Variants in BABAM2 observed in about 807,000 individuals in gnomAD.
BABAM2 encodes the protein BRISC and BRCA1 A complex member 2.
A neutral mutation model predicts 54.7 loss-of-function variants in BABAM2; 31 were observed. That is an observed-to-expected ratio of 0.57 (90% confidence interval 0.43 to 0.77). The LOEUF (loss-of-function observed/expected upper bound fraction) is 0.77. Among genes scored for constraint, BABAM2 ranks in the 30% least tolerant of loss-of-function variants. The pLI, the probability that BABAM2 is intolerant of heterozygous loss-of-function variation, is 0.00. For missense variants in BABAM2, 364 were observed against 455.8 expected (o/e 0.80, Z 1.83); for synonymous variants, 167 against 162.9 (o/e 1.03, Z -0.19).
At chr2:27,891,809 A>C (rs1558564909) in intron 1 of BABAM2, among the ~76,000 whole-genome samples, 2 of 151,430 alleles carry the variant, frequency 1.3e-5, no homozygotes, top group Non-Finnish European at 2.9e-5. Context: ...CCCTGGAAAT[A>C]GAATTCATTC....
At chr2:28,242,117 A>G (rs916856333) in intron 9 of BABAM2, among the ~76,000 whole-genome samples, 1 of 152,096 alleles carries the variant, frequency 6.6e-6, no homozygotes, top group Non-Finnish European at 1.5e-5. Context: ...CAGTAACCCA[A>G]TGGAAGTCGC....
At chr2:28,296,573 G>A (rs947387018) in intron 10 of BABAM2, among the ~76,000 whole-genome samples, 27 of 152,066 alleles carry the variant, frequency 1.8e-4, no homozygotes, top group African/African-American at 5.1e-4. Context: ...AGTCTGCTGC[G>A]GACCTAAGTT....
At chr2:27,976,050 T>C (rs970981899) in intron 3 of BABAM2, among the ~76,000 whole-genome samples, 25 of 152,112 alleles carry the variant, frequency 1.6e-4, no homozygotes, top group Non-Finnish European at 3.4e-4. Flanking sequence ...AATAACAAAA[T>C]TGACCATATT....
rs1553349503 is a variant in BABAM2 at position 28,248,207 on chromosome 2, C to CTTTTTCTTTTTTTTTTT, written c.934+3350_934+3351insCTTTTTTTTTTTTTTTT. Among the ~76,000 whole-genome samples the CTTTTTCTTTTTTTTTTT allele has an allele frequency of 6.2e-3, 335 of 54,278 alleles. 15 individuals are homozygous for CTTTTTCTTTTTTTTTTT. The highest frequency in any genetic ancestry group is 0.012 in the East Asian group (34 of 2,908). The allele number at this position is 54,278 out of a possible 152,430, so 35.6% of individuals were successfully genotyped here. Reference sequence around the variant, plus strand: ...AGTAGCTTTTGTTTATTTTCTTTTTCTTTTTTTTTTTTTTTTTTTGAGACG... The same window carrying CTTTTTCTTTTTTTTTTT: ...AGTAGCTTTTGTTTATTTTCTTTTTCTTTTTCTTTTTTTTTTTTTTTTTTTTTTTTTTTTTTGAGACG... On this transcript the variant is annotated intron_variant, in intron 10 of 11. Transcript: ENST00000379624.
chr2:28,025,418 TG>T lies in BABAM2; in HGVS notation c.495+1del. The T allele has an allele frequency of 6.4e-7, 1 of 1,564,696 alleles. No homozygotes were observed. Among genetic ancestry groups the T allele is most frequent in the Non-Finnish European group, 8.6e-7 (1 of 1,163,436 alleles). ...MEIYAGKKNNWTGEFSARFLL... is the reference protein window; with the variant it reads ...MEIYAGKKNNXTGEFSARFLL... Reference sequence around the variant, plus strand: ...AATTTATGCTGGGAAAAAAAACAACTGGGTAAGGATTTTTGAGAATGGAAAA... The same window carrying T: ...AATTTATGCTGGGAAAAAAAACAACTGGTAAGGATTTTTGAGAATGGAAAA... On this transcript the variant is annotated frameshift_variant and splice_region_variant, in exon 5 of 12. Transcript: ENST00000379624. LOFTEE classifies it high-confidence loss of function.
intron 7 of BABAM2, among the ~76,000 whole-genome samples, chr2:28,230,777 A>G (rs1681314862): frequency 6.6e-6 from 1 of 151,798 alleles, no homozygotes; most frequent in African/African-American, 2.4e-5. Context: ...CCTTAATTTA[A>G]TATTTATGTT....
intron 5 of BABAM2, among the ~76,000 whole-genome samples, chr2:28,040,625 C>T (rs72812590): frequency 0.069 from 10,428 of 152,084 alleles, 543 homozygotes; most frequent in African/African-American, 0.15. Flanking sequence ...TGAGTCTTAG[C>T]GTTCAACATT....
At chr2:28,189,360 TA>T (rs1253148145) in intron 7 of BABAM2, among the ~76,000 whole-genome samples, 1 of 152,140 alleles carries the variant, frequency 6.6e-6, no homozygotes, top group Non-Finnish European at 1.5e-5. Context: ...CAGCAGCATA[TA>T]AAAAATTATT....
intron 2 of BABAM2, 58 bp from the exon 3 acceptor site, chr2:27,929,774 T>G: frequency 6.7e-7 from 1 of 1,488,100 alleles, no homozygotes; most frequent in Non-Finnish European, 9.3e-7. Context: ...AACATGTGGG[T>G]TTTTAAAGTT....
At chr2:28,330,417 T>C (rs1225066090) in intron 11 of BABAM2, among the ~76,000 whole-genome samples, 1 of 152,174 alleles carries the variant, frequency 6.6e-6, no homozygotes, top group Non-Finnish European at 1.5e-5. Flanking sequence ...TGCCATGATC[T>C]TATATCTAGA....
intron 11 of BABAM2, among the ~76,000 whole-genome samples, chr2:28,316,443 A>G (rs1216235870): frequency 4.3e-4 from 43 of 99,320 alleles, no homozygotes; most frequent in Non-Finnish European, 5.3e-4. Context: ...TGGGGGTGGG[A>G]GTCGGGGGTG....
At chr2:27,942,196 C>CA (rs1163556367) in intron 3 of BABAM2, among the ~76,000 whole-genome samples, 1 of 152,154 alleles carries the variant, frequency 6.6e-6, no homozygotes, top group African/African-American at 2.4e-5. Flanking sequence ...GGATGACTGT[C>CA]AAACAGAAAC....
chr2:28,165,523 TC>T lies in BABAM2; in HGVS notation c.680+36145del, dbSNP rs1433416971. On this transcript the variant is annotated intron_variant, in intron 7 of 11. Transcript: ENST00000379624. ...GGGGCACTGAAGCTTTTTTTTTTTT[TC>T]CTTGCTTTTTTTTTTTTTTTTTTTT... Among the ~76,000 whole-genome samples the T allele has an allele frequency of 3.0e-4, 42 of 142,028 alleles. No individual in the cohort carries two copies. The South Asian group carries it at 7.7e-3, about 26-fold the overall frequency. The allele number at this position is 142,028 out of a possible 152,430, so 93.2% of individuals were successfully genotyped here.
chr2:28,269,295 A>G (rs766853440), intron 10 of BABAM2, among the ~76,000 whole-genome samples: 1 of 151,890 alleles, frequency 6.6e-6, no homozygotes, highest in Non-Finnish European at 1.5e-5. Flanking sequence ...TCTCCTCTCC[A>G]TCTTGGAAGT....
intron 6 of BABAM2, among the ~76,000 whole-genome samples, chr2:28,103,871 C>T (rs973321809): frequency 2.6e-5 from 4 of 152,194 alleles, no homozygotes; most frequent in Non-Finnish European, 4.4e-5. Flanking sequence ...TTTGGCTTTT[C>T]TTATCCAACA....
rs1021925761 is a variant in BABAM2 at position 28,202,916 on chromosome 2, A to G, written c.681-34286A>G. On this transcript the variant is annotated intron_variant, in intron 7 of 11. Transcript: ENST00000379624. Reference sequence around the variant, plus strand: ...GTTTTACTGCAGTTAATTATGGCAGAGCACCAGCATGGATTTTGTACCTTA... The same window carrying G: ...GTTTTACTGCAGTTAATTATGGCAGGGCACCAGCATGGATTTTGTACCTTA... Among the ~76,000 whole-genome samples the G allele has an allele frequency of 2.0e-5, 3 of 152,296 alleles. No homozygotes were observed. In the East Asian group the frequency reaches 5.8e-4, roughly 29 times the overall value.
At chr2:27,925,258 C>G (rs1194098238) in intron 2 of BABAM2, among the ~76,000 whole-genome samples, 1 of 152,078 alleles carries the variant, frequency 6.6e-6, no homozygotes, top group East Asian at 1.9e-4. Context: ...TTGGCTAGCC[C>G]ACCCATTAGC....
At chr2:28,121,510 A>C (rs1375281163) in intron 6 of BABAM2, among the ~76,000 whole-genome samples, 1 of 152,144 alleles carries the variant, frequency 6.6e-6, no homozygotes, top group Non-Finnish European at 1.5e-5. Flanking sequence ...GTAGAACCCA[A>C]ATTCAAATTT....
At chr2:28,052,051 G>T (rs903615879) in intron 6 of BABAM2, among the ~76,000 whole-genome samples, 1 of 152,182 alleles carries the variant, frequency 6.6e-6, no homozygotes, top group Non-Finnish European at 1.5e-5. Flanking sequence ...GGATGATAGG[G>T]ATGGTGAGAG....
Sources: allele counts gnomAD v4.1 joint callset (sites outside exome capture counted in the v4.1 genomes callset), GRCh38; gene constraint gnomAD v4.1.1; transcripts MANE v1.5; gene names NCBI Gene and HGNC (gene_info 2026-07-23, HGNC 2026-07-21).